Variants in TENM3 observed in about 807,000 individuals in gnomAD.
TENM3 encodes the protein teneurin transmembrane protein 3, also known as teneurin-3.
TENM3 carries 63 observed loss-of-function variants against 255.1 expected under a neutral mutation model. That is an observed-to-expected ratio of 0.25 (90% confidence interval 0.20 to 0.30). TENM3 has a LOEUF of 0.30. TENM3 is among the 10% of genes least tolerant of loss of function. The pLI is 1.00. For synonymous variants in TENM3, 1,306 were observed against 1,322.3 expected (o/e 0.99, Z 0.27); for missense variants, 2,929 against 3,461.1 (o/e 0.85, Z 3.86).
Position 182,680,544 on chromosome 4 carries a change from C to T in TENM3, c.1641C>T (p.Ala547=), listed in dbSNP as rs1317961786. ...CTTCTGTCGTGTCTTGTTTCACAGC[C>T]GCCTGTCCAGTGTTATGTAGTGGCA... ...PGFLGPDCSR[A]ACPVLCSGNG... Residue 547 remains alanine (A), a splice_region_variant and synonymous_variant, in exon 10 of 28, where the codon GCC becomes GCT. Transcript: ENST00000511685. The T allele has an allele frequency of 6.2e-6, 10 of 1,611,836 alleles. No homozygotes were observed. Among genetic ancestry groups the T allele is most frequent in the Middle Eastern group, 1.7e-4 (1 of 6,020 alleles).
Position 182,773,349 on chromosome 4 carries a change from C to A in TENM3, c.4893-123C>A, listed in dbSNP as rs180988953. 1,155 of 856,312 alleles carry A rather than the reference C, an allele frequency of 1.3e-3. 2 individuals carry two copies. Among genetic ancestry groups the A allele is most frequent in the Non-Finnish European group, 1.6e-3 (919 of 559,374 alleles). The allele number at this position is 856,312 out of a possible 1,614,324, so 53.0% of individuals were successfully genotyped here. ...TGTTTGAAGTCTTCACTCTGCATCG[C>A]TCATCCACGAAGACAAATAGTCCTC... is the stretch of plus-strand genomic sequence containing the variant. On this transcript the variant is annotated intron_variant, in intron 22 of 27. Coordinates refer to ENST00000511685, the MANE Select transcript of TENM3 (RefSeq NM_001080477.4).
At chr4:181,549,031 A>G in the TENM3 span, among the ~76,000 whole-genome samples, 1 of 152,186 alleles carries the variant, frequency 6.6e-6, no homozygotes, top group Non-Finnish European at 1.5e-5. Flanking sequence ...GGGCGATGGT[A>G]ACACATTCTT....
At chr4:181,655,006 G>T in the TENM3 span, among the ~76,000 whole-genome samples, 2 of 152,152 alleles carry the variant, frequency 1.3e-5, no homozygotes, top group Non-Finnish European at 2.9e-5. Flanking sequence ...CCATTTTCAG[G>T]CATTTGCAAT....
the TENM3 span, chr4:181,975,910 C>A: frequency 6.6e-6 from 1 of 152,104 alleles, no homozygotes; most frequent in African/African-American, 2.4e-5. Flanking sequence ...GGCTACAAGT[C>A]GAAAATCAAG....
At chr4:182,349,869 G>A (rs1382022973) in intron 3 of TENM3, 2 of 366,464 alleles carry the variant, frequency 5.5e-6, no homozygotes, top group East Asian at 9.9e-5. Flanking sequence ...AAGTTCTATT[G>A]TATCACTAAA....
At chr4:182,395,760 G>C (rs939549499) in intron 3 of TENM3, among the ~76,000 whole-genome samples, 2 of 152,156 alleles carry the variant, frequency 1.3e-5, no homozygotes, top group African/African-American at 2.4e-5. Flanking sequence ...TCCTGTTTGT[G>C]CGGAATTATT....
chr4:182,151,938 CTCT>C (rs1750386536), intron 1 of TENM3, among the ~76,000 whole-genome samples: 1 of 151,888 alleles, frequency 6.6e-6, no homozygotes. Flanking sequence ...CATATTTTGT[CTCT>C]TGATTGTCAC....
At chr4:182,032,910 T>C in the TENM3 span, among the ~76,000 whole-genome samples, 4 of 152,270 alleles carry the variant, frequency 2.6e-5, no homozygotes, top group Admixed American at 6.5e-5. Context: ...TATCATTTTT[T>C]ATTGTGTTTG....
At chr4:182,046,157 G>A in the TENM3 span, among the ~76,000 whole-genome samples, 163 of 152,136 alleles carry the variant, frequency 1.1e-3, no homozygotes, top group South Asian at 2.5e-3. Flanking sequence ...TTTCTAATCA[G>A]TAAAAATAAA....
chr4:182,612,800 A>C (rs1411738672), intron 4 of TENM3, among the ~76,000 whole-genome samples: 2 of 152,164 alleles, frequency 1.3e-5, no homozygotes, highest in African/African-American at 2.4e-5. Context: ...AAGTTTGATA[A>C]TATTTTCTTG....
intron 13 of TENM3, among the ~76,000 whole-genome samples, chr4:182,726,564 T>A (rs1338808284): frequency 1.3e-5 from 2 of 152,150 alleles, no homozygotes; most frequent in Non-Finnish European, 1.5e-5. Context: ...TTCGCTCTTG[T>A]TAGACATGTT....
chr4:182,496,582 C>T (rs1350788216), intron 3 of TENM3, among the ~76,000 whole-genome samples: 1 of 152,082 alleles, frequency 6.6e-6, no homozygotes, highest in Admixed American at 6.6e-5. Flanking sequence ...TTGTTATAGT[C>T]ATTGTAAATT....
chr4:182,720,912 C>T (rs1205323270), intron 13 of TENM3, among the ~76,000 whole-genome samples: 3 of 151,978 alleles, frequency 2.0e-5, no homozygotes, highest in African/African-American at 7.3e-5. Flanking sequence ...GAATTACAGG[C>T]GCTTGCCACC....
chr4:182,191,940 A>G (rs541269004), intron 1 of TENM3, among the ~76,000 whole-genome samples: 1 of 152,318 alleles, frequency 6.6e-6, no homozygotes, highest in Admixed American at 6.5e-5. Context: ...GTTATTTATT[A>G]CATAATTACC....
chr4:181,533,908 A>G, the TENM3 span, among the ~76,000 whole-genome samples: 1 of 152,202 alleles, frequency 6.6e-6, no homozygotes, highest in African/African-American at 2.4e-5. Flanking sequence ...TATCATTTAT[A>G]GAGATAAAAC....
At chr4:182,691,992 G>GA (rs71605082) in intron 12 of TENM3, among the ~76,000 whole-genome samples, 31,685 of 152,008 alleles carry the variant, frequency 0.21, 3,382 homozygotes, top group Middle Eastern at 0.26. Flanking sequence ...TGTTTTTCAT[G>GA]GGTAGGAAAT....
the TENM3 span, among the ~76,000 whole-genome samples, chr4:181,552,913 C>T: frequency 6.6e-6 from 1 of 152,186 alleles, no homozygotes; most frequent in African/African-American, 2.4e-5. Flanking sequence ...CATGTGTAAA[C>T]ACGTGCGTGT....
chr4:181,648,099 G>T, the TENM3 span, among the ~76,000 whole-genome samples: 1 of 152,134 alleles, frequency 6.6e-6, no homozygotes, highest in African/African-American at 2.4e-5. Context: ...GTATGATGGG[G>T]GACTTGCGTC....
chr4:182,511,338 AT>A (rs1408692226), intron 3 of TENM3, among the ~76,000 whole-genome samples: 1 of 152,222 alleles, frequency 6.6e-6, no homozygotes, highest in African/African-American at 2.4e-5. Flanking sequence ...TATCCTGAAC[AT>A]GCTGAACATG....
Sources: gnomAD v4.1 joint callset for allele counts (sites outside exome capture counted in the v4.1 genomes callset) on GRCh38, gnomAD v4.1.1 for gene constraint, MANE v1.5 for transcripts, NCBI Gene and HGNC (gene_info 2026-07-23, HGNC 2026-07-21) for gene names.